The following ATP8A2 variants were observed in gnomAD, a reference collection of about 807,000 sequenced individuals.
The protein encoded by ATP8A2 is phospholipid-transporting ATPase IB.
In ATP8A2, 100 loss-of-function variants were observed where a neutral mutation model predicts 165.6. That is an observed-to-expected ratio of 0.60 (90% CI 0.51 to 0.71). ATP8A2 has a LOEUF of 0.71. ATP8A2 is among the 30% of genes least tolerant of loss of function. ATP8A2 has a pLI of 0.00. For synonymous variants in ATP8A2, 543 were observed against 548.8 expected (o/e 0.99, Z 0.15); for missense variants, 1,227 against 1,479.5 (o/e 0.83, Z 2.80).
At chr13:25,798,316 AT>A (rs1480146210) in intron 27 of ATP8A2, among the ~76,000 whole-genome samples, 3 of 152,190 alleles carry the variant, frequency 2.0e-5, no homozygotes, top group African/African-American at 7.2e-5. Flanking sequence ...AGCATTTGTT[AT>A]TTGTGAAAAG....
rs567780701 is a variant in ATP8A2 at position 25,748,065 on chromosome 13, T to C, written c.2385-20981T>C. Reference sequence around the variant, plus strand: ...AATCACCATATGGTTTAAATTCCAATTTGAGAAAAAAATTACTAAGTAGAG... The same window carrying C: ...AATCACCATATGGTTTAAATTCCAACTTGAGAAAAAAATTACTAAGTAGAG... On this transcript the variant is annotated intron_variant, in intron 25 of 36. Coordinates refer to ENST00000381655, the MANE Select transcript of ATP8A2 (RefSeq NM_016529.6). 3.3e-5 allele frequency among the ~76,000 whole-genome samples: 5 copies of C among 152,348 alleles called. No homozygotes were observed. The East Asian group carries it at 9.6e-4, about 29-fold the overall frequency.
chr13:25,968,441 A>G, intron 34 of ATP8A2, 134 bp from the exon 35 acceptor site: 1 of 717,504 alleles, frequency 1.4e-6, no homozygotes, highest in East Asian at 2.7e-5. Context: ...GAGACTGTGA[A>G]AGCTCCACCA....
intron 33 of ATP8A2, among the ~76,000 whole-genome samples, chr13:25,877,426 G>C (rs1471782270): frequency 6.6e-6 from 1 of 152,192 alleles, no homozygotes; most frequent in Non-Finnish European, 1.5e-5. Context: ...GACTCATAAA[G>C]CGATGTTTGA....
chr13:25,604,741 G>A (rs574470908), intron 24 of ATP8A2, among the ~76,000 whole-genome samples: 1 of 152,248 alleles, frequency 6.6e-6, no homozygotes, highest in Admixed American at 6.5e-5. Flanking sequence ...AAACAAAGGT[G>A]GGTAGTATTA....
chr13:25,886,275 G>T (rs931509449), intron 33 of ATP8A2, among the ~76,000 whole-genome samples: 5 of 152,190 alleles, frequency 3.3e-5, no homozygotes, highest in African/African-American at 1.2e-4. Flanking sequence ...TGTCGGGGTG[G>T]TGATGGTGGA....
intron 33 of ATP8A2, among the ~76,000 whole-genome samples, chr13:25,896,252 C>G (rs1383807253): frequency 6.6e-6 from 1 of 152,190 alleles, no homozygotes; most frequent in Non-Finnish European, 1.5e-5. Context: ...TCATTGGTTT[C>G]AAAGAACATC....
At chr13:25,877,760 A>C (rs769930195) in intron 33 of ATP8A2, among the ~76,000 whole-genome samples, 7 of 152,230 alleles carry the variant, frequency 4.6e-5, no homozygotes, top group Non-Finnish European at 1.0e-4. Flanking sequence ...GTTTACTGCC[A>C]AAATCACCAT....
chr13:25,843,302 G>A (rs970531198), intron 30 of ATP8A2, among the ~76,000 whole-genome samples: 12 of 152,278 alleles, frequency 7.9e-5, no homozygotes, highest in Admixed American at 6.5e-4. Flanking sequence ...GTCAGCCTCT[G>A]GTGAGAGGCT....
At chr13:25,896,732 A>G (rs932234628) in intron 33 of ATP8A2, among the ~76,000 whole-genome samples, 1 of 152,150 alleles carries the variant, frequency 6.6e-6, no homozygotes, top group Non-Finnish European at 1.5e-5. Flanking sequence ...TTGGGTGCAT[A>G]TATATTTAGG....
intron 24 of ATP8A2, among the ~76,000 whole-genome samples, chr13:25,593,468 A>G (rs1332381470): frequency 6.6e-6 from 1 of 152,208 alleles, no homozygotes. Context: ...TATAGATGAG[A>G]TCAGTGGTCT....
At chr13:25,400,123 A>C (rs1479569811) in intron 1 of ATP8A2, among the ~76,000 whole-genome samples, 5 of 152,014 alleles carry the variant, frequency 3.3e-5, no homozygotes, top group African/African-American at 1.2e-4. Flanking sequence ...GGGTCTTCCT[A>C]TGTTGCCCAG....
intron 35 of ATP8A2, among the ~76,000 whole-genome samples, chr13:25,996,146 A>G (rs4770893): frequency 0.24 from 37,084 of 152,102 alleles, 4,803 homozygotes; most frequent in Middle Eastern, 0.32. Context: ...ATCATTTTCT[A>G]TCTGCCTATA....
At chr13:25,815,159 C>T (rs1041375135) in intron 27 of ATP8A2, among the ~76,000 whole-genome samples, 1 of 152,036 alleles carries the variant, frequency 6.6e-6, no homozygotes, top group Non-Finnish European at 1.5e-5. Context: ...TTTACTTGAA[C>T]ACCAAAAATA....
chr13:25,589,783 A>G, intron 24 of ATP8A2, 84 bp downstream of exon 24: 2 of 838,928 alleles, frequency 2.4e-6, no homozygotes, highest in Non-Finnish European at 3.8e-6. Flanking sequence ...ATCAGGGATC[A>G]TGTTTTGCTA....
chr13:25,762,268 CAAAAA>C (rs59081934), intron 25 of ATP8A2, among the ~76,000 whole-genome samples: 43 of 41,310 alleles, frequency 1.0e-3, no homozygotes, highest in African/African-American at 4.1e-3. Context: ...GACTCTGTCT[CAAAAA>C]AAAAAAAAAA....
chr13:25,548,250 C>T (rs1437405944), intron 10 of ATP8A2, among the ~76,000 whole-genome samples: 1 of 151,628 alleles, frequency 6.6e-6, no homozygotes, highest in African/African-American at 2.4e-5. Context: ...ACAAACAAAA[C>T]AAAAGAAAAC....
intron 33 of ATP8A2, among the ~76,000 whole-genome samples, chr13:25,946,427 T>C (rs7323724): frequency 0.058 from 8,758 of 152,264 alleles, 474 homozygotes; most frequent in African/African-American, 0.14. Flanking sequence ...ATGAGCACAG[T>C]CATGATGTAG....
intron 25 of ATP8A2, among the ~76,000 whole-genome samples, chr13:25,767,733 G>A (rs1405477051): frequency 6.6e-6 from 1 of 152,168 alleles, no homozygotes; most frequent in Admixed American, 6.5e-5. Flanking sequence ...GTGCAACCCA[G>A]CTCCTAAAGT....
At chr13:25,822,767 T>G (rs867183041) in intron 27 of ATP8A2, among the ~76,000 whole-genome samples, 34 of 152,250 alleles carry the variant, frequency 2.2e-4, no homozygotes, top group African/African-American at 7.5e-4. Flanking sequence ...AATTTGTCCC[T>G]CATTTCTAAG....
Sources: allele counts gnomAD v4.1 joint callset (sites outside exome capture counted in the v4.1 genomes callset), GRCh38; gene constraint gnomAD v4.1.1; transcripts MANE v1.5; gene names NCBI Gene and HGNC (gene_info 2026-07-23, HGNC 2026-07-21).